Variants in IGF2BP3 observed in about 807,000 individuals in gnomAD.
IGF2BP3 encodes the protein insulin like growth factor 2 mRNA binding protein 3.
Under a neutral mutation model 73.8 loss-of-function variants are expected in IGF2BP3, and 9 were observed. The ratio of observed to expected loss-of-function variants is 0.12; its 90% CI spans 0.07 to 0.21. The LOEUF is 0.21. Ranked by LOEUF, IGF2BP3 falls within the 10% of genes least tolerant of loss-of-function variation. The probability of loss-of-function intolerance (pLI) is 1.00; values close to 1 mark genes in which losing one functional copy is unlikely to be tolerated. For missense variants in IGF2BP3, 542 were observed against 714.0 expected (o/e 0.76, Z 2.75); for synonymous variants, 258 against 256.7 (o/e 1.01, Z -0.05).
intron 10 of IGF2BP3, among the ~76,000 whole-genome samples, chr7:23,336,368 G>C (rs897603123): frequency 6.6e-6 from 1 of 151,840 alleles, no homozygotes; most frequent in African/African-American, 2.4e-5. Context: ...AGCAAGTATA[G>C]ATACCAGAAT....
intron 3 of IGF2BP3, among the ~76,000 whole-genome samples, chr7:23,407,400 G>A (rs1786869300): frequency 6.6e-6 from 1 of 151,774 alleles, no homozygotes; most frequent in Non-Finnish European, 1.5e-5. Context: ...CCTCAGGTTG[G>A]GAGTTCGAGA....
intron 2 of IGF2BP3, among the ~76,000 whole-genome samples, chr7:23,457,517 G>A (rs1464144472): frequency 8.5e-5 from 13 of 152,068 alleles, no homozygotes; most frequent in Admixed American, 8.5e-4. Flanking sequence ...TGGCATACAC[G>A]TAGGTACACT....
At chr7:23,391,629 G>A (rs774036891) in intron 3 of IGF2BP3, among the ~76,000 whole-genome samples, 1 of 152,122 alleles carries the variant, frequency 6.6e-6, no homozygotes. Context: ...AATGACTAAG[G>A]TACTACAAGA....
chr7:23,421,471 T>A (rs1787345889), intron 2 of IGF2BP3, among the ~76,000 whole-genome samples: 1 of 151,664 alleles, frequency 6.6e-6, no homozygotes, highest in African/African-American at 2.4e-5. Flanking sequence ...GGTGGGCGGA[T>A]CACCTGAGGT....
chr7:23,458,091 G>A (rs1788362884), intron 2 of IGF2BP3, among the ~76,000 whole-genome samples: 1 of 152,106 alleles, frequency 6.6e-6, no homozygotes, highest in Admixed American at 6.6e-5. Flanking sequence ...CCATTGGAAT[G>A]ACTACTGGGT....
chr7:23,338,170 T>C (rs1784621028), intron 10 of IGF2BP3, among the ~76,000 whole-genome samples: 1 of 152,008 alleles, frequency 6.6e-6, no homozygotes, highest in Non-Finnish European at 1.5e-5. Context: ...GGATGGCAGG[T>C]GGTCCAGAGA....
chr7:23,464,236 AAAGT>A (rs540747266), intron 2 of IGF2BP3, among the ~76,000 whole-genome samples: 3 of 152,210 alleles, frequency 2.0e-5, no homozygotes, highest in Non-Finnish European at 4.4e-5. Context: ...ATAGCCACTT[AAAGT>A]AAGTTACATT....
At chr7:23,383,608 T>C (rs898810698) in intron 3 of IGF2BP3, among the ~76,000 whole-genome samples, 1 of 152,216 alleles carries the variant, frequency 6.6e-6, no homozygotes, top group African/African-American at 2.4e-5. Context: ...AGTTACTATG[T>C]GACTCTGCAA....
At chr7:23,414,835 C>G (rs1253859732) in intron 3 of IGF2BP3, 1 of 169,862 alleles carries the variant, frequency 5.9e-6, no homozygotes, top group Non-Finnish European at 1.3e-5. Flanking sequence ...TCCCGTCCAT[C>G]AGTCGACATC....
At chr7:23,351,747 C>G (rs1377547001) in intron 5 of IGF2BP3, among the ~76,000 whole-genome samples, 161 bp from the exon 6 acceptor site, 1 of 152,028 alleles carries the variant, frequency 6.6e-6, no homozygotes, top group Admixed American at 6.6e-5. Flanking sequence ...TAATCCTCCC[C>G]TCTCCCACCC....
At chr7:23,467,299 A>G (rs760030511) in intron 2 of IGF2BP3, among the ~76,000 whole-genome samples, 1 of 152,238 alleles carries the variant, frequency 6.6e-6, no homozygotes, top group Admixed American at 6.5e-5. Context: ...GTAGCCATCT[A>G]TTTCTGCACA....
chr7:23,441,801 T>C (rs112712855), intron 2 of IGF2BP3, among the ~76,000 whole-genome samples: 346 of 152,110 alleles, frequency 2.3e-3, no homozygotes, highest in Non-Finnish European at 4.0e-3. Flanking sequence ...CATAAATCTG[T>C]TTATAAATTG....
intron 2 of IGF2BP3, among the ~76,000 whole-genome samples, chr7:23,421,941 C>T (rs982189837): frequency 1.3e-5 from 2 of 151,968 alleles, no homozygotes; most frequent in Non-Finnish European, 2.9e-5. Context: ...CATGCCACCA[C>T]ATCCAGCTAG....
rs70966008 is a variant in IGF2BP3, at chr7:23,320,947, CAAAAAAAAA to C, written c.1204-1702_1204-1694del. Among the ~76,000 whole-genome samples, 256 of 96,484 alleles carry C rather than the reference CAAAAAAAAA, an allele frequency of 2.7e-3. 1 individual carries two copies. Among genetic ancestry groups the C allele is most frequent in the African/African-American group, 0.011 (224 of 20,086 alleles). The allele number at this position is 96,484 out of a possible 152,430, so 63.3% of individuals were successfully genotyped here. A position where few individuals can be genotyped will look rare whatever the true frequency, so the allele number is the denominator to read the frequency against. On this transcript the variant is annotated intron_variant, in intron 10 of 14. Coordinates refer to ENST00000258729, the MANE Select transcript of IGF2BP3 (RefSeq NM_006547.3). The stretch of plus-strand genomic sequence containing the variant: ...CCTGGGTGAGAGTGAAACTCTGTCT[CAAAAAAAAA>C]AAAAAAAAAAAAAGAAAAAACAAAA...
intron 3 of IGF2BP3, among the ~76,000 whole-genome samples, chr7:23,405,490 T>C (rs541267128): frequency 6.6e-6 from 1 of 152,216 alleles, no homozygotes; most frequent in Admixed American, 6.5e-5. Flanking sequence ...TACAGACAGA[T>C]CTTAGGAGAA....
At chr7:23,400,865 T>C (rs1786637927) in intron 3 of IGF2BP3, among the ~76,000 whole-genome samples, 1 of 152,238 alleles carries the variant, frequency 6.6e-6, no homozygotes, top group South Asian at 2.1e-4. Context: ...AGAGGCACGA[T>C]CTTGGCCCAC....
chr7:23,321,063 G>C (rs866213460), intron 10 of IGF2BP3, among the ~76,000 whole-genome samples: 2 of 152,260 alleles, frequency 1.3e-5, no homozygotes, highest in African/African-American at 2.4e-5. Flanking sequence ...TGTCGGGAGG[G>C]AGGAGCCAAG....
At position 23,364,171 on chromosome 7, in the gene IGF2BP3, C is replaced by T. The variant is rs145853663; in HGVS notation, c.286-2430G>A. 9.5e-3 allele frequency among the ~76,000 whole-genome samples: 1,435 copies of T among 151,674 alleles called. 26 individuals are homozygous for T. The highest frequency in any genetic ancestry group is 0.033 in the African/African-American group (1,369 of 41,356). ...CAGGTGGATCACGAGGTGAGGAGATCGAGAGCAGCCTCATCAACATGGTGA... is the reference window on the plus strand; with the variant it reads ...CAGGTGGATCACGAGGTGAGGAGATTGAGAGCAGCCTCATCAACATGGTGA... On this transcript the variant is annotated intron_variant, in intron 3 of 14. Transcript: ENST00000258729.
rs536205787 is a variant in IGF2BP3 at position 23,321,827 on chromosome 7, G to C, written c.1204-2573C>G. The stretch of plus-strand genomic sequence containing the variant: ...AGCAGGGGCACACTGACACCTCACA[G>C]GGCCGGGTACTCCAACAGACCTGCA... On this transcript the variant is annotated intron_variant, in intron 10 of 14. Coordinates refer to ENST00000258729, the MANE Select transcript of IGF2BP3 (RefSeq NM_006547.3). Among the ~76,000 whole-genome samples, 162 of 152,266 alleles carry C rather than the reference G, an allele frequency of 1.1e-3. 2 individuals are homozygous for C. Among genetic ancestry groups the C allele is most frequent in the Admixed American group, 2.7e-3 (42 of 15,282 alleles).
Sources: gnomAD v4.1 joint callset for allele counts (sites outside exome capture counted in the v4.1 genomes callset) on GRCh38, gnomAD v4.1.1 for gene constraint, MANE v1.5 for transcripts, NCBI Gene and HGNC (gene_info 2026-07-23, HGNC 2026-07-21) for gene names.